The following TTC19 variants were observed in gnomAD, a reference collection of about 807,000 sequenced individuals.
TTC19 encodes tetratricopeptide repeat protein 19, mitochondrial.
In TTC19, 38 loss-of-function variants were observed where a neutral mutation model predicts 49.5. The observed-to-expected ratio is 0.77, with a 90% CI of 0.59 to 1.01. The LOEUF (loss-of-function observed/expected upper bound fraction) is 1.01, where lower values mean the gene tolerates loss of function less well. Among genes scored for constraint, TTC19 ranks in the 50% least tolerant of loss-of-function variants. The probability of loss-of-function intolerance (pLI) is 0.00; values close to 1 mark genes in which losing one functional copy is unlikely to be tolerated. For missense variants in TTC19, 475 were observed against 477.7 expected, an observed-to-expected ratio of 0.99 and a Z score of 0.05; for synonymous variants, 204 against 185.2, an observed-to-expected ratio of 1.10 and a Z score of -0.83.
chr17:16,008,498 C>T (rs1319354988), intron 7 of TTC19, among the ~76,000 whole-genome samples: 1 of 152,176 alleles, frequency 6.6e-6, no homozygotes, highest in Non-Finnish European at 1.5e-5. Flanking sequence ...TGTCTCATCC[C>T]ATTACCCTAC....
At position 16,028,925 on chromosome 17, in the gene TTC19, G is replaced by A. The variant is rs1971722108; in HGVS notation, c.*1403G>A. ...TTAGACTAAAACTAGAGTTTTGTAT[G>A]TTGCAGATGTAAATTTCTTCCTATT... On this transcript the variant is annotated 3_prime_UTR_variant, in exon 10 of 10. Coordinates refer to ENST00000261647, the MANE Select transcript of TTC19 (RefSeq NM_017775.4). The A allele has an allele frequency of 2.4e-6, 1 of 421,610 alleles. No homozygotes were observed. The highest frequency in any genetic ancestry group is 4.6e-6 in the Non-Finnish European group (1 of 218,186). The allele number at this position is 421,610 out of a possible 1,614,324, so 26.1% of individuals were successfully genotyped here.
At chr17:16,031,961 A>G (rs934906500), downstream of TTC19, 1 of 305,536 alleles carries the variant, frequency 3.3e-6, no homozygotes, top group African/African-American at 2.2e-5. Context: ...CAAAAAGGTC[A>G]TCTATTTACA....
At chr17:16,006,595 C>A in intron 7 of TTC19, 27 bp downstream of exon 7, 2 of 1,397,900 alleles carry the variant, frequency 1.4e-6, no homozygotes, top group Non-Finnish European at 2.0e-6. Context: ...CTGGGCATTG[C>A]CTTTTCTCCA....
At chr17:16,011,067 T>C (rs1424796471) in intron 7 of TTC19, among the ~76,000 whole-genome samples, 5 of 152,248 alleles carry the variant, frequency 3.3e-5, no homozygotes, top group Admixed American at 2.0e-4. Flanking sequence ...TCTTCACTTT[T>C]ACATATTACT....
chr17:16,029,460 G>A (rs972962050), downstream of TTC19: 1 of 279,264 alleles, frequency 3.6e-6, no homozygotes, highest in Non-Finnish European at 7.1e-6. Flanking sequence ...ATCACTCAGT[G>A]TACCAAAATT....
chr17:16,033,036 T>G (rs1052270096), downstream of TTC19, among the ~76,000 whole-genome samples: 8 of 152,046 alleles, frequency 5.3e-5, no homozygotes, highest in Non-Finnish European at 8.8e-5. Context: ...CCAGAAAGCC[T>G]CCTACAGCTT....
At chr17:16,023,666 T>G (rs1290320058) in intron 7 of TTC19, 1 of 152,232 alleles carries the variant, frequency 6.6e-6, no homozygotes, top group Non-Finnish European at 1.5e-5. Context: ...ATTCTGGTGT[T>G]AGTTCTCTGT....
downstream of TTC19, among the ~76,000 whole-genome samples, chr17:16,032,845 A>C (rs1972467014): frequency 6.6e-6 from 1 of 152,218 alleles, no homozygotes; most frequent in Non-Finnish European, 1.5e-5. Context: ...AGAGAAATGC[A>C]AGAGTATAGT....
chr17:16,019,764 C>A (rs1187436767), intron 7 of TTC19, among the ~76,000 whole-genome samples: 1 of 152,142 alleles, frequency 6.6e-6, no homozygotes, highest in Non-Finnish European at 1.5e-5. Context: ...ACTGAACATT[C>A]TTGGACTTGC....
intron 2 of TTC19, among the ~76,000 whole-genome samples, chr17:16,041,766 T>G (rs541909708): frequency 7.8e-4 from 118 of 151,544 alleles, no homozygotes; most frequent in African/African-American, 2.8e-3. Flanking sequence ...AGACGGAGTC[T>G]CACTCTGCCG....
At chr17:16,016,835 G>C (rs1971231000) in intron 7 of TTC19, among the ~76,000 whole-genome samples, 1 of 152,062 alleles carries the variant, frequency 6.6e-6, no homozygotes. Flanking sequence ...TGGGATTACA[G>C]GCATGAGCTA....
chr17:16,024,600 C>T (rs979525815), intron 7 of TTC19: 20 of 259,026 alleles, frequency 7.7e-5, no homozygotes, highest in Admixed American at 2.1e-4. Context: ...CCACCGCGCC[C>T]GGCCTTTACG....
chr17:16,029,407 A>G (rs762269869), downstream of TTC19: 14 of 325,086 alleles, frequency 4.3e-5, no homozygotes, highest in South Asian at 1.8e-4. Flanking sequence ...TAACTGTCCA[A>G]TGGTCACTGG....
chr17:16,029,263 A>C lies in TTC19; in HGVS notation c.*1741A>C, dbSNP rs1021803207. Reference sequence around the variant, plus strand: ...TAGGAGTTTTCAGGACAGTCTCTTCATGTGGGTGTTTTCATTACAGTTCAT... The same window carrying C: ...TAGGAGTTTTCAGGACAGTCTCTTCCTGTGGGTGTTTTCATTACAGTTCAT... On this transcript the variant is annotated 3_prime_UTR_variant, in exon 10 of 10. Coordinates refer to ENST00000261647, the MANE Select transcript of TTC19 (RefSeq NM_017775.4). 1 of 453,714 alleles carries C rather than the reference A, an allele frequency of 2.2e-6. No homozygotes were observed. Among genetic ancestry groups the C allele is most frequent in the Non-Finnish European group, 4.4e-6 (1 of 226,682 alleles). The allele number at this position is 453,714 out of a possible 1,614,324, so 28.1% of individuals were successfully genotyped here. A position where few individuals can be genotyped will look rare whatever the true frequency, so the allele number is the denominator to read the frequency against.
At chr17:16,044,445 G>A (rs1213506821) in intron 2 of TTC19, 2 of 472,006 alleles carry the variant, frequency 4.2e-6, no homozygotes, top group African/African-American at 2.0e-5. Context: ...CTTTTGACAG[G>A]ATCAGGAGAC....
intron 2 of TTC19, among the ~76,000 whole-genome samples, chr17:16,000,956 A>G (rs1019353828): frequency 1.3e-5 from 2 of 152,314 alleles, no homozygotes; most frequent in Admixed American, 6.5e-5. Context: ...TTGCCTTCCA[A>G]TACACTTACA....
At chr17:16,040,250 A>G in intron 2 of TTC19, 2 of 682,648 alleles carry the variant, frequency 2.9e-6, no homozygotes, top group Admixed American at 2.0e-5. Flanking sequence ...TTATCTTTTC[A>G]ATAGGTATTT....
At chr17:16,015,324 A>G (rs796733713) in intron 7 of TTC19, among the ~76,000 whole-genome samples, 6 of 152,290 alleles carry the variant, frequency 3.9e-5, no homozygotes, top group African/African-American at 1.4e-4. Context: ...GACAGTGCTA[A>G]AAACATAAAC....
chr17:16,030,110 ATATGTAT>A (rs925891298), downstream of TTC19: 67 of 181,666 alleles, frequency 3.7e-4, no homozygotes, highest in African/African-American at 1.5e-3. Flanking sequence ...CATATTTTGT[ATATGTAT>A]TATATACTGT....
Sources: allele counts gnomAD v4.1 joint callset (sites outside exome capture counted in the v4.1 genomes callset), GRCh38; gene constraint gnomAD v4.1.1; transcripts MANE v1.5; gene names NCBI Gene and HGNC (gene_info 2026-07-23, HGNC 2026-07-21).